TADA3: variants seen among roughly 807,000 people sequenced by gnomAD.
TADA3 encodes transcriptional adapter 3.
A neutral mutation model predicts 43.2 loss-of-function variants in TADA3; 25 were observed. The ratio of observed to expected loss-of-function variants is 0.58; its 90% CI spans 0.42 to 0.81. The LOEUF (loss-of-function observed/expected upper bound fraction) is 0.81, where lower values mean the gene tolerates loss of function less well. Among genes scored for constraint, TADA3 ranks in the 30% least tolerant of loss-of-function variants. The pLI, the probability that TADA3 is intolerant of heterozygous loss-of-function variation, is 0.00. For missense variants in TADA3, 441 were observed against 567.8 expected, an observed-to-expected ratio of 0.78 and a Z score of 2.27; for synonymous variants, 235 against 225.5, an observed-to-expected ratio of 1.04 and a Z score of -0.38.
rs983194324 is a variant in TADA3, at chr3:9,780,004, G to C, written c.*353C>G. 1.6e-5 allele frequency: 3 copies of C among 192,262 alleles called. No homozygotes were observed. Among genetic ancestry groups the C allele is most frequent in the Admixed American group, 1.2e-4 (2 of 16,676 alleles). 11.9% of individuals were successfully genotyped at this position (192,262 alleles called of 1,614,324 possible). ...ACCACAGCAGTCACTTTATTCTTAA[G>C]TTTGCACTTTACAAAACCACAAGGG... On this transcript the variant is annotated 3_prime_UTR_variant, in exon 9 of 9. Transcript: ENST00000301964.
intron 6 of TADA3, among the ~76,000 whole-genome samples, chr3:9,786,218 C>T (rs1382392085): frequency 1.3e-5 from 2 of 152,122 alleles, no homozygotes; most frequent in South Asian, 2.1e-4. Context: ...GGATTACAGG[C>T]GTGAGCCACC....
intron 4 of TADA3, chr3:9,787,741 A>G: frequency 7.8e-7 from 1 of 1,283,998 alleles, no homozygotes; most frequent in Non-Finnish European, 1.0e-6. Flanking sequence ...AATTTTTAAG[A>G]AATCAGATAA....
Position 9,784,176 on chromosome 3 carries a change from CCTT to C in TADA3, c.955_957del (p.Lys319del), listed in dbSNP as rs1283891107. The C allele has an allele frequency of 6.2e-7, 1 of 1,613,994 alleles. No individual in the cohort carries two copies. The highest frequency in any genetic ancestry group is 8.5e-7 in the Non-Finnish European group (1 of 1,179,890). Reference sequence around the variant, plus strand: ...AAAAGGCCCTGGGCAATTAGCTCCTCCTTGATGCGGCTCTCCAGGGACTTAGTA... The same window carrying C: ...AAAAGGCCCTGGGCAATTAGCTCCTCGATGCGGCTCTCCAGGGACTTAGTA... On this transcript the variant is annotated inframe_deletion, in exon 8 of 9. Coordinates refer to ENST00000301964, the MANE Select transcript of TADA3 (RefSeq NM_006354.5).
rs554496020 is a variant in TADA3, at chr3:9,788,110, G to A, written c.565-770C>T. ...TAACGGGAGGAAGAAAGGCCTGGAT[G>A]CAGCGCCATGTCATGAGCACATCTG... On this transcript the variant is annotated intron_variant, in intron 4 of 8. Coordinates refer to ENST00000301964, the MANE Select transcript of TADA3 (RefSeq NM_006354.5). The A allele has an allele frequency of 1.4e-4, 31 of 217,498 alleles. 1 individual carries two copies. The South Asian group carries it at 2.0e-3, about 14-fold the overall frequency. 13.5% of individuals were successfully genotyped at this position (217,498 alleles called of 1,614,324 possible). A position where few individuals can be genotyped will look rare whatever the true frequency, so the allele number is the denominator to read the frequency against.
Position 9,791,289 on chromosome 3 carries a change from G to T in TADA3, c.178C>A (p.Arg60Ser). 6.2e-7 allele frequency: 1 copy of T among 1,613,268 alleles called. No individual in the cohort carries two copies. ...LETLLSSASR[R>S]LRVLEAETQI... ...GTTTCGGCCTCAAGCACACGCAGGCGCCGGCTGGCAGAAGACAGCAGGGTC... is the reference window on the plus strand; with the variant it reads ...GTTTCGGCCTCAAGCACACGCAGGCTCCGGCTGGCAGAAGACAGCAGGGTC... The change falls in exon 2 of 9, where the codon CGC becomes AGC. Residue 60 changes from arginine to serine, a missense_variant. By Grantham distance (110) the Arg-to-Ser change is moderately radical. Transcript: ENST00000301964.
chr3:9,784,053 G>A lies in TADA3; in HGVS notation c.1081C>T (p.Arg361Cys), dbSNP rs759684453. The part of the protein sequence containing the change: ...AELKALSAHN[R>C]TKKHDLLRLA... Reference sequence around the variant, plus strand: ...CTCAGCAGGTCGTGCTTCTTGGTGCGGTTGTGGGCACTAAGTGCCTTCAGC... The same window carrying A: ...CTCAGCAGGTCGTGCTTCTTGGTGCAGTTGTGGGCACTAAGTGCCTTCAGC... The change falls in exon 8 of 9, where the codon CGC (arginine) becomes TGC (cysteine). Residue 361 changes from arginine to cysteine, a missense_variant. Arg to Cys is a radical substitution (Grantham distance 180, BLOSUM62 -3). Transcript: ENST00000301964. 9 of 1,614,082 alleles carry A rather than the reference G, an allele frequency of 5.6e-6. No individual in the cohort carries two copies. The Admixed American group carries it at 6.7e-5, about 12-fold the overall frequency.
intron 8 of TADA3, chr3:9,783,224 G>GAA (rs1482224203): frequency 2.0e-5 from 3 of 151,782 alleles, no homozygotes; most frequent in African/African-American, 2.4e-5. Context: ...AAAAAGAAAA[G>GAA]AAGCATGAAA....
At chr3:9,782,141 G>A (rs1198226676) in intron 8 of TADA3, among the ~76,000 whole-genome samples, 1 of 152,008 alleles carries the variant, frequency 6.6e-6, no homozygotes, top group African/African-American at 2.4e-5. Flanking sequence ...CCCAGCTAGG[G>A]CCCACTACTT....
At chr3:9,792,550 G>A (rs892552212), upstream of TADA3, 15 of 1,227,168 alleles carry the variant, frequency 1.2e-5, no homozygotes, top group Admixed American at 8.5e-5. Flanking sequence ...TTTGCCGGGG[G>A]TGGGAAGAAG....
chr3:9,782,322 T>C (rs1379596147), intron 8 of TADA3, among the ~76,000 whole-genome samples: 3 of 152,220 alleles, frequency 2.0e-5, no homozygotes, highest in Non-Finnish European at 2.9e-5. Flanking sequence ...GTTTATTGAC[T>C]GTGTGACCTT....
chr3:9,784,996 A>G (rs1245463042), intron 7 of TADA3, among the ~76,000 whole-genome samples: 3 of 152,234 alleles, frequency 2.0e-5, no homozygotes, highest in Admixed American at 2.0e-4. Flanking sequence ...ATGTCATTTA[A>G]CTATATTTCT....
rs149462962 is a variant in TADA3, at chr3:9,789,561, C to T, written c.512G>A (p.Arg171His). 28 of 1,614,028 alleles carry T rather than the reference C, an allele frequency of 1.7e-5. No homozygotes were observed. In the African/African-American group the frequency reaches 2.0e-4, roughly 12 times the overall value. The part of the protein sequence containing the change: ...YCADITSEEV[R>H]TLEELLKPPE... ...GGGCTTCAGTAACTCCTCAAGTGTG[C>T]GGACCTCCTCGCTGGTGATGTCAGC... Residue 171 changes from arginine (R) to histidine (H), a missense_variant, in exon 4 of 9, where the codon CGC becomes CAC. Transcript: ENST00000301964.
chr3:9,786,408 TAA>T (rs2078612812), intron 6 of TADA3, among the ~76,000 whole-genome samples: 1 of 152,192 alleles, frequency 6.6e-6, no homozygotes. Flanking sequence ...TTCCATGAGA[TAA>T]ACTCTTGTGT....
At chr3:9,789,425 T>C in intron 4 of TADA3, 84 bp downstream of exon 4, 3 of 1,268,430 alleles carry the variant, frequency 2.4e-6, no homozygotes, top group African/African-American at 1.5e-5. Flanking sequence ...AGGAAGATGA[T>C]GCATGGCTTT....
chr3:9,783,156 T>G (rs1228299566), intron 8 of TADA3: 1 of 152,242 alleles, frequency 6.6e-6, no homozygotes, highest in African/African-American at 2.4e-5. Context: ...ATGTTTATTG[T>G]ATGATTCTTT....
At chr3:9,780,635 G>C in intron 8 of TADA3, 86 bp from the exon 9 acceptor site, 1 of 1,389,906 alleles carries the variant, frequency 7.2e-7, no homozygotes, top group Non-Finnish European at 9.6e-7. Flanking sequence ...CTACCCACCA[G>C]CCCAGGCTGG....
At chr3:9,791,943 T>C (rs575257565) in intron 1 of TADA3, among the ~76,000 whole-genome samples, 2 of 152,296 alleles carry the variant, frequency 1.3e-5, no homozygotes, top group South Asian at 4.1e-4. Flanking sequence ...ATTCTTACCA[T>C]GTTCTCTGGG....
Position 9,780,451 on chromosome 3 carries a change from CG to C in TADA3, c.1204del (p.Arg402GlyfsTer19). The C allele has an allele frequency of 6.2e-7, 1 of 1,612,196 alleles. No homozygotes were observed. Among genetic ancestry groups the C allele is most frequent in the Non-Finnish European group, 8.5e-7 (1 of 1,179,878 alleles). The part of the protein sequence containing the change: ...MDAFRKIMAA[R>X]QKKRTPTKKE... ...CTTGGTGGGAGTCCGCTTCTTCTGC[CG>C]GGCAGCCATGATCTTGCGAAAGGCG... On this transcript the variant is annotated frameshift_variant, in exon 9 of 9. Transcript: ENST00000301964. LOFTEE classifies it high-confidence loss of function.
chr3:9,792,034 A>G (rs1279541721), intron 1 of TADA3, among the ~76,000 whole-genome samples, 182 bp downstream of exon 1: 2 of 152,188 alleles, frequency 1.3e-5, no homozygotes, highest in Admixed American at 1.3e-4. Flanking sequence ...TGGGCTGGTA[A>G]GCCAGACAGA....
Sources: allele counts gnomAD v4.1 joint callset (sites outside exome capture counted in the v4.1 genomes callset), GRCh38; gene constraint gnomAD v4.1.1; transcripts MANE v1.5; gene names NCBI Gene and HGNC (gene_info 2026-07-23, HGNC 2026-07-21).